Variants in WDR70 observed in about 807,000 individuals in gnomAD.
WDR70 encodes WD repeat-containing protein 70.
A neutral mutation model predicts 88.6 loss-of-function variants in WDR70; 53 were observed. The observed-to-expected ratio is 0.60, with a 90% CI of 0.48 to 0.75. The LOEUF (loss-of-function observed/expected upper bound fraction) is 0.75. WDR70 is among the 30% of genes least tolerant of loss of function. WDR70 has a pLI of 0.00. For missense variants in WDR70, 610 were observed against 823.2 expected, an observed-to-expected ratio of 0.74 and a Z score of 3.17; for synonymous variants, 280 against 270.0, an observed-to-expected ratio of 1.04 and a Z score of -0.36.
At chr5:37,504,654 C>T (rs944613008) in intron 8 of WDR70, among the ~76,000 whole-genome samples, 1 of 152,184 alleles carries the variant, frequency 6.6e-6, no homozygotes, top group Non-Finnish European at 1.5e-5. Flanking sequence ...AAGTTGCTCT[C>T]CTTCACTTGT....
At chr5:37,481,713 C>G (rs1739675885) in intron 8 of WDR70, among the ~76,000 whole-genome samples, 1 of 152,156 alleles carries the variant, frequency 6.6e-6, no homozygotes, top group Admixed American at 6.5e-5. Flanking sequence ...TAACATTTGG[C>G]TCCTCATTAC....
chr5:37,697,565 C>T, intron 10 of WDR70, 90 bp from the exon 11 acceptor site: 1 of 1,040,594 alleles, frequency 9.6e-7, no homozygotes. Flanking sequence ...GTATTATTTT[C>T]ATCGTAATAA....
chr5:37,600,833 A>G (rs755934183), intron 9 of WDR70, among the ~76,000 whole-genome samples: 1 of 152,232 alleles, frequency 6.6e-6, no homozygotes, highest in Non-Finnish European at 1.5e-5. Context: ...TCTGGAAAGC[A>G]GTTGGAAAGT....
intron 9 of WDR70, among the ~76,000 whole-genome samples, chr5:37,598,873 C>T (rs921058095): frequency 2.6e-5 from 4 of 152,116 alleles, no homozygotes; most frequent in African/African-American, 9.7e-5. Flanking sequence ...TGAAAACATC[C>T]AGAAGACAAG....
chr5:37,588,675 C>T lies in WDR70; in HGVS notation c.918-16389C>T, dbSNP rs565612023. 1.3e-4 allele frequency among the ~76,000 whole-genome samples: 20 copies of T among 152,260 alleles called. No individual in the cohort carries two copies. In the South Asian group the frequency reaches 3.5e-3, roughly 27 times the overall value. On this transcript the variant is annotated intron_variant, in intron 9 of 17. Transcript: ENST00000265107. Reference sequence around the variant, plus strand: ...CACTGCAGTCTTGAACTCCTGGGCTCAAGTGATCCTCCCACCTCGGCCTCC... The same window carrying T: ...CACTGCAGTCTTGAACTCCTGGGCTTAAGTGATCCTCCCACCTCGGCCTCC...
intron 10 of WDR70, among the ~76,000 whole-genome samples, chr5:37,611,576 A>G (rs1014550618): frequency 6.6e-6 from 1 of 152,058 alleles, no homozygotes; most frequent in African/African-American, 2.4e-5. Flanking sequence ...ATATATTTTT[A>G]GCATATAATG....
intron 5 of WDR70, among the ~76,000 whole-genome samples, chr5:37,410,623 T>C (rs1749495047): frequency 6.6e-6 from 1 of 152,186 alleles, no homozygotes; most frequent in Non-Finnish European, 1.5e-5. Flanking sequence ...ATGAAAGGTA[T>C]GGTAGTTTTT....
chr5:37,437,049 A>T (rs1750488608), intron 5 of WDR70, among the ~76,000 whole-genome samples: 1 of 152,132 alleles, frequency 6.6e-6, no homozygotes, highest in Admixed American at 6.5e-5. Flanking sequence ...ACTGTCCCTC[A>T]GTTGTTCTGC....
At chr5:37,729,896 C>T (rs1303985684) in intron 17 of WDR70, among the ~76,000 whole-genome samples, 3 of 152,036 alleles carry the variant, frequency 2.0e-5, no homozygotes, top group Non-Finnish European at 4.4e-5. Flanking sequence ...CCCTTTTTTT[C>T]AGTCCCTTTC....
At chr5:37,437,844 T>C in intron 5 of WDR70, 78 bp from the exon 6 acceptor site, 1 of 1,367,832 alleles carries the variant, frequency 7.3e-7, no homozygotes, top group Non-Finnish European at 9.9e-7. Flanking sequence ...AAAAATTGTA[T>C]TTCCTGTGAA....
At chr5:37,717,470 C>G (rs367866004) in intron 13 of WDR70, among the ~76,000 whole-genome samples, 2 of 152,150 alleles carry the variant, frequency 1.3e-5, no homozygotes, top group African/African-American at 4.8e-5. Flanking sequence ...TGCTGCATTT[C>G]TCAGTGACTC....
intron 9 of WDR70, among the ~76,000 whole-genome samples, chr5:37,569,747 C>G (rs1422119686): frequency 6.6e-6 from 1 of 152,052 alleles, no homozygotes; most frequent in Non-Finnish European, 1.5e-5. Context: ...AGGTAAAATA[C>G]AGTGGAATAG....
At chr5:37,634,279 AC>A (rs1283654302) in intron 10 of WDR70, among the ~76,000 whole-genome samples, 1 of 148,400 alleles carries the variant, frequency 6.7e-6, no homozygotes, top group Non-Finnish European at 1.5e-5. Context: ...AGCCTGGGCG[AC>A]AGTGTGGGAC....
At chr5:37,696,505 A>ACTTG (rs1338698248) in intron 10 of WDR70, among the ~76,000 whole-genome samples, 1 of 152,184 alleles carries the variant, frequency 6.6e-6, no homozygotes, top group Non-Finnish European at 1.5e-5. Flanking sequence ...AGATGAGCTC[A>ACTTG]CTTGCATTAC....
chr5:37,406,558 TG>T, intron 5 of WDR70, among the ~76,000 whole-genome samples: 1 of 152,298 alleles, frequency 6.6e-6, no homozygotes, highest in South Asian at 2.1e-4. Flanking sequence ...CTCTATAAAA[TG>T]GGACTGATAA....
intron 5 of WDR70, among the ~76,000 whole-genome samples, chr5:37,416,544 G>C (rs1318796059): frequency 6.6e-6 from 1 of 151,388 alleles, no homozygotes; most frequent in South Asian, 2.1e-4. Flanking sequence ...GAGGGAGATC[G>C]TGGGGAGAGG....
At chr5:37,750,009 T>C (rs1408201623) in intron 17 of WDR70, among the ~76,000 whole-genome samples, 2 of 152,212 alleles carry the variant, frequency 1.3e-5, no homozygotes, top group East Asian at 3.9e-4. Flanking sequence ...TCAACTTTAT[T>C]GAGGTACAAT....
chr5:37,505,317 A>T (rs887290113), intron 8 of WDR70, among the ~76,000 whole-genome samples: 1 of 152,138 alleles, frequency 6.6e-6, no homozygotes, highest in Non-Finnish European at 1.5e-5. Context: ...TTGGTTTTGA[A>T]GTATCTTCCT....
chr5:37,689,598 A>C (rs530492208), intron 10 of WDR70, among the ~76,000 whole-genome samples: 3 of 152,340 alleles, frequency 2.0e-5, no homozygotes, highest in African/African-American at 7.2e-5. Context: ...GCAAACTCCA[A>C]CAGACCTGCA....
Sources: gnomAD v4.1 joint callset for allele counts (sites outside exome capture counted in the v4.1 genomes callset) on GRCh38, gnomAD v4.1.1 for gene constraint, MANE v1.5 for transcripts, NCBI Gene and HGNC (gene_info 2026-07-23, HGNC 2026-07-21) for gene names.